Variants in IFT57 observed in about 807,000 individuals in gnomAD.
IFT57 encodes the protein intraflagellar transport 57.
In IFT57, 59 loss-of-function variants were observed where a neutral mutation model predicts 56.8. That is an observed-to-expected ratio of 1.04 (90% CI 0.84 to 1.29). The LOEUF is 1.29. IFT57 is among the 50% of genes most tolerant of loss of function. IFT57 has a pLI of 0.00. For synonymous variants in IFT57, 209 were observed against 186.1 expected (o/e 1.12, Z -1.00); for missense variants, 470 against 522.1 (o/e 0.90, Z 0.97).
chr3:108,179,865 A>C (rs1489742336), intron 6 of IFT57, among the ~76,000 whole-genome samples: 2 of 147,234 alleles, frequency 1.4e-5, no homozygotes, highest in African/African-American at 5.0e-5. Context: ...TAAAAGCATA[A>C]TTTTTATTTT....
chr3:108,188,052 ACATTAGGTATATC>A (rs1326834596), intron 6 of IFT57, among the ~76,000 whole-genome samples: 1 of 151,708 alleles, frequency 6.6e-6, no homozygotes, highest in Non-Finnish European at 1.5e-5. Flanking sequence ...CTCGTCGTTT[ACATTAGGTATATC>A]TCCTAATGCT....
At chr3:108,195,216 G>A (rs560010914) in intron 5 of IFT57, among the ~76,000 whole-genome samples, 1 of 152,054 alleles carries the variant, frequency 6.6e-6, no homozygotes, top group South Asian at 2.1e-4. Flanking sequence ...GCAATTATAC[G>A]AAAAAATGAT....
At chr3:108,179,912 G>GT (rs2080143350) in intron 6 of IFT57, among the ~76,000 whole-genome samples, 1 of 141,786 alleles carries the variant, frequency 7.1e-6, no homozygotes, top group African/African-American at 2.6e-5. Flanking sequence ...CTTTAAAAAA[G>GT]TATCTATGTG....
chr3:108,214,417 C>T (rs1046101515), intron 3 of IFT57, among the ~76,000 whole-genome samples: 1 of 152,028 alleles, frequency 6.6e-6, no homozygotes, highest in Non-Finnish European at 1.5e-5. Flanking sequence ...GACAATATTG[C>T]AAAGATCATC....
At chr3:108,164,405 T>A (rs1399224782) in intron 9 of IFT57, among the ~76,000 whole-genome samples, 2 of 151,982 alleles carry the variant, frequency 1.3e-5, no homozygotes, top group Non-Finnish European at 2.9e-5. Context: ...AAATTGAAAA[T>A]TTTTTACATG....
At chr3:108,173,766 CTGTGTGTGTGTGTGTG>C (rs59233165) in intron 6 of IFT57, among the ~76,000 whole-genome samples, 11 of 124,670 alleles carry the variant, frequency 8.8e-5, no homozygotes, top group Admixed American at 3.3e-4. Flanking sequence ...GTCAGGGACT[CTGTGTGTGTGTGTGTG>C]TGTGTGTGTG....
chr3:108,188,801 G>A (rs1475313769), intron 6 of IFT57, among the ~76,000 whole-genome samples: 4 of 152,152 alleles, frequency 2.6e-5, no homozygotes, highest in African/African-American at 9.7e-5. Context: ...TTTTGTAAAA[G>A]AGTGTGTGTT....
chr3:108,216,365 T>G (rs1159834726), intron 3 of IFT57, among the ~76,000 whole-genome samples: 1 of 152,162 alleles, frequency 6.6e-6, no homozygotes, highest in African/African-American at 2.4e-5. Flanking sequence ...AACAGATATA[T>G]GCAAAAATGC....
At chr3:108,204,403 C>A (rs554959389) in intron 5 of IFT57, among the ~76,000 whole-genome samples, 1 of 152,112 alleles carries the variant, frequency 6.6e-6, no homozygotes, top group Admixed American at 6.5e-5. Context: ...ATGTAGTTTG[C>A]GATGAAAAAT....
chr3:108,198,436 G>T (rs1020765257), intron 5 of IFT57, among the ~76,000 whole-genome samples: 14 of 152,050 alleles, frequency 9.2e-5, no homozygotes, highest in Non-Finnish European at 1.9e-4. Flanking sequence ...GTGTGCGTGT[G>T]TGTGTCTTGT....
chr3:108,188,121 T>C (rs2080194935), intron 6 of IFT57, among the ~76,000 whole-genome samples: 1 of 152,030 alleles, frequency 6.6e-6, no homozygotes, highest in African/African-American at 2.4e-5. Flanking sequence ...CAGTGTGTGA[T>C]GTTCCCCTTC....
chr3:108,164,219 T>A (rs1289500858), intron 9 of IFT57, among the ~76,000 whole-genome samples: 1 of 152,076 alleles, frequency 6.6e-6, no homozygotes, highest in Non-Finnish European at 1.5e-5. Flanking sequence ...TATGGCTATA[T>A]ATAAGAATAT....
At chr3:108,163,423 C>T (rs1329317743) in intron 10 of IFT57, among the ~76,000 whole-genome samples, 3 of 152,114 alleles carry the variant, frequency 2.0e-5, no homozygotes, top group African/African-American at 7.2e-5. Context: ...ATTTCCCACT[C>T]TTTGAATCAA....
chr3:108,185,920 G>A (rs2080179301), intron 6 of IFT57, among the ~76,000 whole-genome samples: 1 of 151,960 alleles, frequency 6.6e-6, no homozygotes, highest in Non-Finnish European at 1.5e-5. Flanking sequence ...TGTTAGTAAG[G>A]GACTGCCCTT....
chr3:108,211,910 C>T (rs2080344315), intron 4 of IFT57, among the ~76,000 whole-genome samples: 1 of 152,150 alleles, frequency 6.6e-6, no homozygotes, highest in Non-Finnish European at 1.5e-5. Flanking sequence ...TTGGAATCAT[C>T]TCAGTTAATT....
chr3:108,221,869 G>A lies in IFT57; in HGVS notation c.212+242C>T, dbSNP rs907596303. 1.9e-5 allele frequency: 13 copies of A among 679,676 alleles called. No individual in the cohort carries two copies. The Admixed American group carries it at 3.8e-4, about 20-fold the overall frequency. The allele number at this position is 679,676 out of a possible 1,614,324, so 42.1% of individuals were successfully genotyped here. A position where few individuals can be genotyped will look rare whatever the true frequency, so the allele number is the denominator to read the frequency against. On this transcript the variant is annotated intron_variant, in intron 1 of 10. Coordinates refer to ENST00000264538, the MANE Select transcript of IFT57 (RefSeq NM_018010.4). ...TGTGTTGGAAAAAAACAGGCAAGCT[G>A]TCTTCCGATCCTTTCTGCCGTTCCA...
At chr3:108,221,554 A>T (rs2080405435) in intron 1 of IFT57, among the ~76,000 whole-genome samples, 1 of 152,200 alleles carries the variant, frequency 6.6e-6, no homozygotes, top group Non-Finnish European at 1.5e-5. Flanking sequence ...AAGTCTTTTA[A>T]ACCATAGCAA....
At position 108,161,852 on chromosome 3, in the gene IFT57, C is replaced by T. The variant is rs968952396; in HGVS notation, c.*625G>A. The stretch of plus-strand genomic sequence containing the variant: ...AGTCAAACATGAGTGACTGACTTAT[C>T]ATCATTCATTTATCCTTTTATTTAG... On this transcript the variant is annotated 3_prime_UTR_variant, in exon 11 of 11. Coordinates refer to ENST00000264538, the MANE Select transcript of IFT57 (RefSeq NM_018010.4). 2.6e-5 allele frequency: 4 copies of T among 152,156 alleles called. No individual in the cohort carries two copies. The highest frequency in any genetic ancestry group is 4.1e-4 in the South Asian group (2 of 4,828). The allele number at this position is 152,156 out of a possible 1,614,324, so 9.4% of individuals were successfully genotyped here.
At chr3:108,189,841 A>G (rs2080205061) in intron 6 of IFT57, among the ~76,000 whole-genome samples, 1 of 152,230 alleles carries the variant, frequency 6.6e-6, no homozygotes, top group African/African-American at 2.4e-5. Flanking sequence ...TCCTTATGTT[A>G]TATGTATTAT....
Sources: allele counts gnomAD v4.1 joint callset (sites outside exome capture counted in the v4.1 genomes callset), GRCh38; gene constraint gnomAD v4.1.1; transcripts MANE v1.5; gene names NCBI Gene and HGNC (gene_info 2026-07-23, HGNC 2026-07-21).